Variants in HDAC9 observed in about 807,000 individuals in gnomAD.
HDAC9 encodes MEF-2 interacting transcription repressor (MITR) protein.
In HDAC9, 41 loss-of-function variants were observed where a neutral mutation model predicts 139.4. The ratio of observed to expected loss-of-function variants is 0.29; its 90% confidence interval spans 0.23 to 0.38. The LOEUF is 0.38. Ranked by LOEUF, HDAC9 falls within the 10% of genes least tolerant of loss-of-function variation. The pLI is 1.00. For missense variants in HDAC9, 1,147 were observed against 1,297.0 expected, an observed-to-expected ratio of 0.88 and a Z score of 1.78; for synonymous variants, 517 against 476.2, an observed-to-expected ratio of 1.09 and a Z score of -1.12.
intron 24 of HDAC9, among the ~76,000 whole-genome samples, chr7:18,966,696 G>A (rs1288332405): frequency 1.4e-5 from 2 of 145,538 alleles, no homozygotes; most frequent in Middle Eastern, 3.3e-3. Context: ...GCGAGACTCC[G>A]ACTCAAAAAA....
At chr7:18,687,679 C>G (rs138451248) in intron 12 of HDAC9, among the ~76,000 whole-genome samples, 2 of 151,728 alleles carry the variant, frequency 1.3e-5, no homozygotes, top group Non-Finnish European at 2.9e-5. Flanking sequence ...CCTCAAAGAC[C>G]TGAAGGTTAA....
intron 24 of HDAC9, among the ~76,000 whole-genome samples, chr7:18,968,969 A>AG (rs1293256390): frequency 6.8e-6 from 1 of 146,602 alleles, no homozygotes; most frequent in African/African-American, 2.5e-5. Flanking sequence ...AAAAAAAAAA[A>AG]AAAAAAAAAA....
chr7:18,368,269 A>G (rs577127276), intron 1 of HDAC9, among the ~76,000 whole-genome samples: 1 of 152,118 alleles, frequency 6.6e-6, no homozygotes, highest in South Asian at 2.1e-4. Flanking sequence ...TTATTCTAAG[A>G]TGAAAGTGAT....
At chr7:18,204,885 C>T (rs1791386877) in intron 2 of HDAC9, among the ~76,000 whole-genome samples, 1 of 151,860 alleles carries the variant, frequency 6.6e-6, no homozygotes, top group East Asian at 1.9e-4. Flanking sequence ...AAAGCTCAAA[C>T]TGTTGTAAAA....
At chr7:18,615,900 G>A (rs1838445801) in intron 6 of HDAC9, among the ~76,000 whole-genome samples, 1 of 152,144 alleles carries the variant, frequency 6.6e-6, no homozygotes. Context: ...TACACTGCTG[G>A]AGGTCATATG....
chr7:18,417,802 A>G (rs557380422), intron 1 of HDAC9, among the ~76,000 whole-genome samples: 3 of 152,236 alleles, frequency 2.0e-5, no homozygotes, highest in Admixed American at 2.0e-4. Context: ...CTTGCCTCAA[A>G]TAGTTCCCAT....
At chr7:18,824,629 T>C (rs1295755786) in intron 17 of HDAC9, among the ~76,000 whole-genome samples, 3 of 152,316 alleles carry the variant, frequency 2.0e-5, no homozygotes, top group Admixed American at 2.0e-4. Context: ...GACTAATGTA[T>C]TGAAAGCAAA....
At chr7:18,244,994 CAT>C in intron 2 of HDAC9, among the ~76,000 whole-genome samples, 1 of 148,060 alleles carries the variant, frequency 6.8e-6, no homozygotes, top group Admixed American at 6.8e-5. Context: ...ATCTAATCTG[CAT>C]CTATCTATCT....
intron 22 of HDAC9, among the ~76,000 whole-genome samples, chr7:18,927,080 T>C (rs1804299332): frequency 6.6e-6 from 1 of 152,192 alleles, no homozygotes; most frequent in Admixed American, 6.5e-5. Context: ...TTCATAAATT[T>C]ACATTTTAAA....
intron 12 of HDAC9, among the ~76,000 whole-genome samples, chr7:18,723,921 GA>G (rs1449668156): frequency 3.9e-5 from 6 of 152,054 alleles, no homozygotes; most frequent in Non-Finnish European, 7.4e-5. Context: ...GAAAGTATGA[GA>G]AAATATATAA....
At chr7:18,872,883 C>T (rs907188069) in intron 21 of HDAC9, among the ~76,000 whole-genome samples, 3 of 152,074 alleles carry the variant, frequency 2.0e-5, no homozygotes, top group Admixed American at 6.6e-5. Context: ...TACTACGATG[C>T]TTATGATTGC....
intron 12 of HDAC9, among the ~76,000 whole-genome samples, chr7:18,723,220 T>C (rs564824998): frequency 8.1e-4 from 123 of 152,324 alleles, no homozygotes; most frequent in Middle Eastern, 6.8e-3. Context: ...AAGGATGATT[T>C]TATATATATC....
chr7:18,820,710 T>C (rs1242325430), intron 17 of HDAC9, among the ~76,000 whole-genome samples: 2 of 152,176 alleles, frequency 1.3e-5, no homozygotes, highest in Admixed American at 6.5e-5. Context: ...TCAGATACTA[T>C]GTAAATCTAG....
intron 1 of HDAC9, among the ~76,000 whole-genome samples, chr7:18,345,336 C>T (rs1461402187): frequency 6.6e-6 from 1 of 151,920 alleles, no homozygotes; most frequent in Non-Finnish European, 1.5e-5. Flanking sequence ...TCAGGAATTT[C>T]TCCCTCCTTT....
At chr7:18,634,192 C>A (rs1783185436) in intron 7 of HDAC9, among the ~76,000 whole-genome samples, 1 of 151,972 alleles carries the variant, frequency 6.6e-6, no homozygotes, top group Non-Finnish European at 1.5e-5. Flanking sequence ...AGCATTTGAA[C>A]AATTTTTTTC....
At chr7:18,463,752 A>G (rs1253096873) in intron 1 of HDAC9, among the ~76,000 whole-genome samples, 1 of 151,808 alleles carries the variant, frequency 6.6e-6, no homozygotes, top group Non-Finnish European at 1.5e-5. Context: ...TCAGCATATT[A>G]TGCTTTAGTT....
chr7:18,574,933 C>T (rs1193223494), intron 2 of HDAC9, among the ~76,000 whole-genome samples: 4 of 150,740 alleles, frequency 2.7e-5, no homozygotes, highest in African/African-American at 7.5e-5. Flanking sequence ...TGCAGCTGCA[C>T]CCCGGAGGGT....
intron 22 of HDAC9, among the ~76,000 whole-genome samples, chr7:18,911,470 TTTCATTTTG>T (rs1305581099): frequency 6.6e-6 from 1 of 151,912 alleles, no homozygotes; most frequent in East Asian, 1.9e-4. Flanking sequence ...TTTAAAAACT[TTTCATTTTG>T]TTCATCTTTT....
rs200393533 is a variant in HDAC9, at chr7:18,803,212, CT to C, written c.2322+9768del. On this transcript the variant is annotated intron_variant, in intron 17 of 25. Coordinates refer to ENST00000686413, the MANE Select transcript of HDAC9 (RefSeq NM_178425.4). ...TATAACACATCCTAAACTTCACTAT[CT>C]TTTTTTTCCCACCAACAATACAAGA... Among the ~76,000 whole-genome samples the C allele has an allele frequency of 2.3e-3, 345 of 151,784 alleles. 2 individuals carry two copies. Among genetic ancestry groups the C allele is most frequent in the South Asian group, 0.023 (109 of 4,814 alleles).
Sources: allele counts gnomAD v4.1 joint callset (sites outside exome capture counted in the v4.1 genomes callset), GRCh38; gene constraint gnomAD v4.1.1; transcripts MANE v1.5; gene names NCBI Gene and HGNC (gene_info 2026-07-23, HGNC 2026-07-21).